The following SNRNP40 variants were observed in gnomAD, a reference collection of about 807,000 sequenced individuals.
SNRNP40 encodes the protein small nuclear ribonucleoprotein U5 subunit 40.
SNRNP40 carries 21 observed loss-of-function variants against 45.8 expected under a neutral mutation model. The observed-to-expected ratio is 0.46, with a 90% CI of 0.32 to 0.66. SNRNP40 has a LOEUF of 0.66. SNRNP40 is among the 30% of genes least tolerant of loss of function. The probability of loss-of-function intolerance (pLI) is 0.03; values close to 1 mark genes in which losing one functional copy is unlikely to be tolerated. For synonymous variants in SNRNP40, 142 were observed against 163.8 expected (o/e 0.87, Z 1.01); for missense variants, 344 against 439.1 (o/e 0.78, Z 1.94).
Position 31,296,655 on chromosome 1 carries a change from C to G in SNRNP40, c.97G>C (p.Gly33Arg). Reference protein sequence around the residue: ...ELLLGAGSGPGAGQQQATPGA... With the variant: ...ELLLGAGSGPRAGQQQATPGA... ...GGCGTCGCCTGCTGCTGCCCGGCTCCTGGGCCAGACCCCGCTCCCAACAGC... is the reference window on the plus strand; with the variant it reads ...GGCGTCGCCTGCTGCTGCCCGGCTCGTGGGCCAGACCCCGCTCCCAACAGC... The change falls in exon 1 of 10, where the codon GGA (glycine) becomes CGA (arginine). Residue 33 changes from glycine to arginine, a missense_variant. Physicochemically the swap from Gly to Arg is moderately radical, Grantham distance 125. Around this residue, in one of 2 missense-constraint regions of SNRNP40, gnomAD observed 90 missense variants for 58.9 expected, o/e 1.53. Transcript: ENST00000263694. 4 of 1,613,806 alleles carry G rather than the reference C, an allele frequency of 2.5e-6. No homozygotes were observed. The highest frequency in any genetic ancestry group is 3.4e-6 in the Non-Finnish European group (4 of 1,179,862).
intron 5 of SNRNP40, 130 bp from the exon 6 acceptor site, chr1:31,271,629 A>G (rs961362912): frequency 1.2e-5 from 11 of 915,604 alleles, no homozygotes; most frequent in Non-Finnish European, 1.8e-5. Context: ...GATTTCTGTC[A>G]AAGAGAAAAA....
At chr1:31,283,967 T>G (rs1418415503) in intron 4 of SNRNP40, among the ~76,000 whole-genome samples, 2 of 152,146 alleles carry the variant, frequency 1.3e-5, no homozygotes, top group African/African-American at 4.8e-5. Context: ...CTCATGCCTG[T>G]AACCCCAGCA....
intron 8 of SNRNP40, 90 bp from the exon 9 acceptor site, chr1:31,261,722 ATTAT>A (rs1323401005): frequency 5.4e-6 from 4 of 742,166 alleles, no homozygotes; most frequent in Non-Finnish European, 7.0e-6. Flanking sequence ...GGAAGCAACA[ATTAT>A]TTACTTACCT....
chr1:31,281,259 A>G (rs113499425), intron 5 of SNRNP40, 115 bp downstream of exon 5: 48 of 790,498 alleles, frequency 6.1e-5, no homozygotes, highest in African/African-American at 5.0e-4. Flanking sequence ...CCAAGTTACT[A>G]TTTTCCTTTC....
chr1:31,277,164 T>G (rs759370383), intron 5 of SNRNP40, among the ~76,000 whole-genome samples: 39 of 152,204 alleles, frequency 2.6e-4, no homozygotes, highest in Non-Finnish European at 5.3e-4. Flanking sequence ...ACCACTGCAC[T>G]CCAGCCTCGG....
intron 4 of SNRNP40, among the ~76,000 whole-genome samples, chr1:31,283,429 C>CAAAAA (rs1646034311): frequency 6.6e-6 from 1 of 152,100 alleles, no homozygotes; most frequent in Non-Finnish European, 1.5e-5. Flanking sequence ...ATGGTAAAAC[C>CAAAAA]TTGTTTCTAC....
At chr1:31,266,802 T>G (rs996776821) in intron 8 of SNRNP40, among the ~76,000 whole-genome samples, 6 of 152,172 alleles carry the variant, frequency 3.9e-5, no homozygotes, top group African/African-American at 1.4e-4. Context: ...CTGCCATTCT[T>G]CAGCTAGGAA....
At chr1:31,266,039 G>T (rs1202951346) in intron 8 of SNRNP40, among the ~76,000 whole-genome samples, 5 of 151,952 alleles carry the variant, frequency 3.3e-5, no homozygotes, top group African/African-American at 7.3e-5. Flanking sequence ...GCACTCAAAT[G>T]ATCAATGTGA....
In SNRNP40 at chr1:31,271,448, C is replaced by G. The variant is rs1446646540; in HGVS notation, c.706G>C (p.Asp236His). The change falls in exon 6 of 10, where the codon GAT becomes CAT. Residue 236 changes from aspartate (D) to histidine (H), a missense_variant. Coordinates refer to ENST00000263694, the MANE Select transcript of SNRNP40 (RefSeq NM_004814.3). Reference sequence around the variant, plus strand: ...CTTAAACTCAGGCCAGTCACTGAATCTGCATGGCCTCTCATGGTGTAGGTT... The same window carrying G: ...CTTAAACTCAGGCCAGTCACTGAATGTGCATGGCCTCTCATGGTGTAGGTT... Reference protein sequence around the residue: ...KLTYTMRGHADSVTGLSLSSE... With the variant: ...KLTYTMRGHAHSVTGLSLSSE... 6.2e-7 allele frequency: 1 copy of G among 1,613,656 alleles called. No homozygotes were observed. Among genetic ancestry groups the G allele is most frequent in the South Asian group, 1.1e-5 (1 of 91,062 alleles).
intron 8 of SNRNP40, 143 bp downstream of exon 8, chr1:31,267,728 T>C: frequency 9.8e-6 from 6 of 610,258 alleles, no homozygotes; most frequent in South Asian, 9.7e-5. Context: ...AGGGATGGGG[T>C]TTCTCCATGT....
intron 8 of SNRNP40, among the ~76,000 whole-genome samples, chr1:31,267,566 C>T (rs1645907763): frequency 6.6e-6 from 1 of 152,094 alleles, no homozygotes; most frequent in Non-Finnish European, 1.5e-5. Flanking sequence ...GAGTCTCGCT[C>T]TTGCTGCCCG....
At chr1:31,288,665 G>GT (rs750628708) in intron 4 of SNRNP40, among the ~76,000 whole-genome samples, 245 of 12,968 alleles carry the variant, frequency 0.019, 2 homozygotes, top group Middle Eastern at 0.091. Context: ...TCTCAGAACA[G>GT]CCTTTTTTTT....
chr1:31,284,180 G>A lies in SNRNP40; in HGVS notation c.532-2684C>T, dbSNP rs1374555485. 5.9e-5 allele frequency among the ~76,000 whole-genome samples: 9 copies of A among 152,236 alleles called. No homozygotes were observed. In the South Asian group the frequency reaches 1.2e-3, roughly 21 times the overall value. On this transcript the variant is annotated intron_variant, in intron 4 of 9. Transcript: ENST00000263694. ...TGAGGCTGCAGTGAGCCGTGATTGC[G>A]GATCTGTACTCCAGCCTGGGTGAGA...
chr1:31,293,129 G>A, intron 2 of SNRNP40, 90 bp downstream of exon 2: 1 of 1,404,520 alleles, frequency 7.1e-7, no homozygotes, highest in South Asian at 1.2e-5. Flanking sequence ...TGCCAACATA[G>A]AGTGATACCT....
intron 6 of SNRNP40, among the ~76,000 whole-genome samples, chr1:31,270,487 T>C (rs563434582): frequency 7.9e-5 from 12 of 152,294 alleles, no homozygotes; most frequent in African/African-American, 2.6e-4. Context: ...TAAACATCTA[T>C]TGTAAGCAGT....
chr1:31,269,119 TA>T, intron 7 of SNRNP40, 38 bp downstream of exon 7: 1 of 1,528,252 alleles, frequency 6.5e-7, no homozygotes, highest in Non-Finnish European at 8.8e-7. Context: ...TTCTCTGAAG[TA>T]AATGAACAGT....
intron 8 of SNRNP40, 76 bp downstream of exon 8, chr1:31,267,795 G>T: frequency 8.8e-7 from 1 of 1,134,686 alleles, no homozygotes; most frequent in Non-Finnish European, 1.3e-6. Flanking sequence ...GCCTCCCAAA[G>T]TGCTGGGATT....
At chr1:31,276,018 T>A (rs1056577763) in intron 5 of SNRNP40, among the ~76,000 whole-genome samples, 1 of 152,190 alleles carries the variant, frequency 6.6e-6, no homozygotes, top group African/African-American at 2.4e-5. Flanking sequence ...ACAGCCTAAA[T>A]GTCCAATGAC....
intron 7 of SNRNP40, among the ~76,000 whole-genome samples, chr1:31,268,699 G>GA (rs1400492586): frequency 6.6e-6 from 1 of 152,142 alleles, no homozygotes; most frequent in African/African-American, 2.4e-5. Context: ...TTGAGGCTTT[G>GA]AAAAAAATTT....
Sources: gnomAD v4.1 joint callset for allele counts (sites outside exome capture counted in the v4.1 genomes callset) on GRCh38, gnomAD v4.1.1 for gene constraint, gnomAD v4.1.1 regional missense constraint, MANE v1.5 for transcripts, NCBI Gene and HGNC (gene_info 2026-07-23, HGNC 2026-07-21) for gene names.